UNC80: variants seen among roughly 807,000 people sequenced by gnomAD.
UNC80 encodes unc-80 subunit of NALCN channel complex.
In UNC80, 164 loss-of-function variants were observed where a neutral mutation model predicts 384.6. The observed-to-expected ratio is 0.43, with a 90% CI of 0.38 to 0.49. The LOEUF is 0.49. Among genes scored for constraint, UNC80 ranks in the 20% least tolerant of loss-of-function variants. The pLI is 0.00. For missense variants in UNC80, 3,330 were observed against 4,143.0 expected (o/e 0.80, Z 5.39); for synonymous variants, 1,486 against 1,527.8 (o/e 0.97, Z 0.64).
intron 22 of UNC80, among the ~76,000 whole-genome samples, chr2:209,869,660 T>A (rs1302210726): frequency 6.6e-6 from 1 of 152,190 alleles, no homozygotes; most frequent in Non-Finnish European, 1.5e-5. Flanking sequence ...CTCTATGTCA[T>A]CATCCTTGAT....
In UNC80 at chr2:209,976,688, C is replaced by G. The variant is rs570371378; in HGVS notation, c.8773-225C>G. On this transcript the variant is annotated intron_variant, in intron 57 of 64. Transcript: ENST00000673920. This position sits in a 1 kb window ranked among gnomAD's most constrained non-coding sequence, Gnocchi z 4.3. Reference sequence around the variant, plus strand: ...GGATACTTAACGTATGTTTTTCCTCCAAGACCCTCGGTACCCATCTACACT... The same window carrying G: ...GGATACTTAACGTATGTTTTTCCTCGAAGACCCTCGGTACCCATCTACACT... Among the ~76,000 whole-genome samples the G allele has an allele frequency of 6.6e-6, 1 of 151,954 alleles. No homozygotes were observed. The highest frequency in any genetic ancestry group is 1.9e-4 in the East Asian group (1 of 5,166).
Position 209,992,232 on chromosome 2 carries a change from G to C in UNC80, c.9381G>C (p.Lys3127Asn), listed in dbSNP as rs1472688797. The change falls in exon 62 of 65, where the codon AAG (lysine) becomes AAC (asparagine). Residue 3127 changes from lysine (K) to asparagine (N), a missense_variant. Coordinates refer to ENST00000673920, the MANE Select transcript of UNC80 (RefSeq NM_001371986.1). ...NLLVQQPLGRKRGLRQLRRPL... is the reference protein window; with the variant it reads ...NLLVQQPLGRNRGLRQLRRPL... Reference sequence around the variant, plus strand: ...TTGTTCAGCAGCCGCTGGGGAGGAAGAGGGGCCTGAGGCAGGTAAGTAGAC... The same window carrying C: ...TTGTTCAGCAGCCGCTGGGGAGGAACAGGGGCCTGAGGCAGGTAAGTAGAC... 1 of 1,551,596 alleles carries C rather than the reference G, an allele frequency of 6.4e-7. No individual in the cohort carries two copies. Among genetic ancestry groups the C allele is most frequent in the East Asian group, 2.4e-5 (1 of 40,918 alleles).
At position 209,928,063 on chromosome 2, in the gene UNC80, C is replaced by T. The variant is rs191499687; in HGVS notation, c.5806+1077C>T. On this transcript the variant is annotated intron_variant, in intron 36 of 64. Transcript: ENST00000673920. The stretch of plus-strand genomic sequence containing the variant: ...AAAATACATGTAAGTAGACTGGGCA[C>T]GGTGGCTCATGCTTGTAATCCCAGC... 2.5e-3 allele frequency among the ~76,000 whole-genome samples: 373 copies of T among 152,150 alleles called. 1 individual carries two copies. The highest frequency in any genetic ancestry group is 0.01 in the Middle Eastern group (3 of 294).
intron 61 of UNC80, among the ~76,000 whole-genome samples, chr2:209,985,945 G>T (rs1225362736): frequency 6.7e-6 from 1 of 149,950 alleles, no homozygotes; most frequent in Non-Finnish European, 1.5e-5. Flanking sequence ...TCCATCATCG[G>T]GTGTATTTTT....
chr2:209,866,529 C>CACACACACACAT (rs1553556972), intron 22 of UNC80, among the ~76,000 whole-genome samples: 100 of 126,590 alleles, frequency 7.9e-4, no homozygotes, highest in African/African-American at 2.5e-3. Flanking sequence ...CACACACACA[C>CACACACACACAT]ACACAGAGAG....
At chr2:209,800,422 T>C (rs939237872) in intron 7 of UNC80, among the ~76,000 whole-genome samples, 1 of 152,222 alleles carries the variant, frequency 6.6e-6, no homozygotes, top group African/African-American at 2.4e-5. Flanking sequence ...TATCATTTTT[T>C]ACTGTGTCTA....
rs933427685 is a variant in UNC80 at position 209,971,078 on chromosome 2, C to G, written c.8256+121C>G. ...ATCTGTGAAACAAAAGTGTAAACAT[C>G]TCTAAACTTTTATAGATTTGGAGCT... is the stretch of plus-strand genomic sequence containing the variant. On this transcript the variant is annotated intron_variant, in intron 54 of 64. Transcript: ENST00000673920. 13 of 1,319,600 alleles carry G rather than the reference C, an allele frequency of 9.9e-6. No individual in the cohort carries two copies. In the African/African-American group the frequency reaches 1.9e-4, roughly 20 times the overall value. The allele number at this position is 1,319,600 out of a possible 1,614,324, so 81.7% of individuals were successfully genotyped here.
intron 25 of UNC80, among the ~76,000 whole-genome samples, chr2:209,882,850 A>G (rs908954598): frequency 1.3e-5 from 2 of 152,202 alleles, no homozygotes; most frequent in Non-Finnish European, 2.9e-5. Flanking sequence ...TTTCCCTATC[A>G]ATTCTATAAA....
rs2092316919 is a variant in UNC80 at position 209,954,279 on chromosome 2, A to G, written c.7457+9A>G. 8 of 1,470,380 alleles carry G rather than the reference A, an allele frequency of 5.4e-6. No homozygotes were observed. Among genetic ancestry groups the G allele is most frequent in the Non-Finnish European group, 7.2e-6 (8 of 1,106,806 alleles). The allele number at this position is 1,470,380 out of a possible 1,614,324, so 91.1% of individuals were successfully genotyped here. ...GTAGAGGTCCTCACCAGGTAATCCC[A>G]TTGGCAGAAATAGCTACAGCCTTAC... On this transcript the variant is annotated intron_variant, in intron 48 of 64. Transcript: ENST00000673920.
At position 209,793,746 on chromosome 2, in the gene UNC80, C is replaced by A; in HGVS notation, c.825C>A (p.Phe275Leu). Residue 275 changes from phenylalanine to leucine, a missense_variant, in exon 7 of 65, where the codon TTC becomes TTA. This residue lies in a region of UNC80 where 937 missense variants were observed against 1,026.8 expected (regional missense o/e 0.91). Coordinates refer to ENST00000673920, the MANE Select transcript of UNC80 (RefSeq NM_001371986.1). ...GACTCCAGGTGGTTTGTGAAACATTCCAGTCTGATTCCATCTCACCCAAGG... is the reference window on the plus strand; with the variant it reads ...GACTCCAGGTGGTTTGTGAAACATTACAGTCTGATTCCATCTCACCCAAGG... ...LEGLQVVCET[F>L]QSDSISPKAT... 2 of 1,614,012 alleles carry A rather than the reference C, an allele frequency of 1.2e-6. No homozygotes were observed. The highest frequency in any genetic ancestry group is 1.7e-6 in the Non-Finnish European group (2 of 1,179,942).
In UNC80 at chr2:209,888,223, C is replaced by T. The variant is rs973874721; in HGVS notation, c.4239C>T (p.His1413=). ...DSKDSLHSSS[H]TLKSDAGVEE... is the part of the protein sequence containing the mutation. ...AAGATTCTCTCCACAGCAGCAGCCA[C>T]ACTCTCAAATCAGATGCAGGAGTCG... Residue 1413 remains histidine (H), a synonymous_variant, in exon 26 of 65, where the codon CAC becomes CAT. Coordinates refer to ENST00000673920, the MANE Select transcript of UNC80 (RefSeq NM_001371986.1). 1 of 1,551,592 alleles carries T rather than the reference C, an allele frequency of 6.4e-7. No homozygotes were observed. The highest frequency in any genetic ancestry group is 1.4e-5 in the African/African-American group (1 of 73,062).
rs1231043307 is a variant in UNC80 at position 209,936,924 on chromosome 2, C to T, written c.6354C>T (p.His2118=). The T allele has an allele frequency of 6.5e-7, 1 of 1,544,206 alleles. No individual in the cohort carries two copies. The highest frequency in any genetic ancestry group is 1.2e-5 in the South Asian group (1 of 83,902). ...FLMDKRWNLI[H]YNKTYVRDIY... Reference sequence around the variant, plus strand: ...TGGATAAACGATGGAACCTTATCCACTACAATAAGGTGAGACACCAGTAGT... The same window carrying T: ...TGGATAAACGATGGAACCTTATCCATTACAATAAGGTGAGACACCAGTAGT... Residue 2118 remains histidine (H), a synonymous_variant, in exon 41 of 65, where the codon CAC becomes CAT. Coordinates refer to ENST00000673920, the MANE Select transcript of UNC80 (RefSeq NM_001371986.1).
At position 209,775,974 on chromosome 2, in the gene UNC80, A is replaced by G. The variant is rs1194096770; in HGVS notation, c.227A>G (p.Glu76Gly). 6.2e-7 allele frequency: 1 copy of G among 1,614,004 alleles called. No homozygotes were observed. Among genetic ancestry groups the G allele is most frequent in the Admixed American group, 1.7e-5 (1 of 60,004 alleles). ...GCCATCCAGAGCATTTCCAGATGGGAACTGGTGCAAGCTGCTTTGCCTCAT... is the reference window on the plus strand; with the variant it reads ...GCCATCCAGAGCATTTCCAGATGGGGACTGGTGCAAGCTGCTTTGCCTCAT... ...SEAIQSISRW[E>G]LVQAALPHVL... The change falls in exon 3 of 65, where the codon GAA (glutamate) becomes GGA (glycine). Residue 76 changes from glutamate to glycine, a missense_variant. By Grantham distance (98) the Glu-to-Gly change is moderately conservative. Around this residue, in one of 8 missense-constraint regions of UNC80, gnomAD observed 86 missense variants for 141.5 expected, o/e 0.61. Transcript: ENST00000673920.
intron 5 of UNC80, among the ~76,000 whole-genome samples, chr2:209,789,022 C>T (rs1322268971): frequency 6.6e-6 from 1 of 152,086 alleles, no homozygotes; most frequent in African/African-American, 2.4e-5. Flanking sequence ...CTACAGGATT[C>T]AATACAGTAA....
chr2:209,820,263 G>A, intron 12 of UNC80, 48 bp from the exon 13 acceptor site: 8 of 1,478,124 alleles, frequency 5.4e-6, no homozygotes, highest in Non-Finnish European at 7.2e-6. Context: ...TTTAGGAAGA[G>A]GGAGTGCAGG....
rs1168398114 is a variant in UNC80 at position 209,786,154 on chromosome 2, C to T, written c.689C>T (p.Thr230Ile). The T allele has an allele frequency of 6.2e-7, 1 of 1,613,974 alleles. No homozygotes were observed. Among genetic ancestry groups the T allele is most frequent in the East Asian group, 2.2e-5 (1 of 44,872 alleles). Residue 230 changes from threonine (T) to isoleucine (I), a missense_variant, in exon 5 of 65, where the codon ACC becomes ATC. Thr to Ile is a moderately conservative substitution (Grantham distance 89). Coordinates refer to ENST00000673920, the MANE Select transcript of UNC80 (RefSeq NM_001371986.1). The stretch of plus-strand genomic sequence containing the variant: ...AGACAGCCCGGAGTCTCTGGCTTTA[C>T]CGCACTGGTGAAGCCCATCAGGAAC... Reference protein sequence around the residue: ...EHRQPGVSGFTALVKPIRNII... With the variant: ...EHRQPGVSGFIALVKPIRNII...
chr2:209,974,739 A>G (rs1028841476), intron 56 of UNC80, among the ~76,000 whole-genome samples: 4 of 152,242 alleles, frequency 2.6e-5, no homozygotes, highest in South Asian at 2.1e-4. Context: ...CTGAAGGCAT[A>G]TATCTTAATA....
At chr2:209,902,536 A>ACTT (rs1308269037) in intron 28 of UNC80, among the ~76,000 whole-genome samples, 16 of 152,130 alleles carry the variant, frequency 1.1e-4, no homozygotes, top group Admixed American at 1.0e-3. Context: ...AATGGGCCAA[A>ACTT]CTTCTTCATT....
At chr2:209,830,841 T>G (rs1264018756) in intron 15 of UNC80, among the ~76,000 whole-genome samples, 2 of 152,090 alleles carry the variant, frequency 1.3e-5, no homozygotes, top group Non-Finnish European at 2.9e-5. Flanking sequence ...GAGGGGAGGT[T>G]TCCCCTCTCC....
Sources: gnomAD v4.1 joint callset for allele counts (sites outside exome capture counted in the v4.1 genomes callset) on GRCh38, gnomAD v4.1.1 for gene constraint, gnomAD v4.1.1 regional missense constraint, Gnocchi (gnomAD v3.1) non-coding constraint, MANE v1.5 for transcripts, NCBI Gene and HGNC (gene_info 2026-07-23, HGNC 2026-07-21) for gene names.